NRP2: variants seen among roughly 807,000 people sequenced by gnomAD.
NRP2 encodes neuropilin-2.
A neutral mutation model predicts 110.4 loss-of-function variants in NRP2; 52 were observed. The observed-to-expected ratio is 0.47, with a 90% confidence interval of 0.38 to 0.59. The LOEUF is 0.59. Among genes scored for constraint, NRP2 ranks in the 20% least tolerant of loss-of-function variants. NRP2 has a pLI of 0.00. For synonymous variants in NRP2, 508 were observed against 468.9 expected, an observed-to-expected ratio of 1.08 and a Z score of -1.08; for missense variants, 1,049 against 1,203.0, an observed-to-expected ratio of 0.87 and a Z score of 1.89.
At chr2:205,728,337 A>G (rs1450533675) in intron 7 of NRP2, among the ~76,000 whole-genome samples, 1 of 152,126 alleles carries the variant, frequency 6.6e-6, no homozygotes, top group East Asian at 1.9e-4. Context: ...TCCCCAGTCC[A>G]CTTCTCCCCA....
At chr2:205,782,589 C>A (rs2058187497) in intron 15 of NRP2, among the ~76,000 whole-genome samples, 1 of 152,172 alleles carries the variant, frequency 6.6e-6, no homozygotes, top group Non-Finnish European at 1.5e-5. Context: ...TATACCTTTA[C>A]AAACATGTAT....
At chr2:205,699,887 A>G (rs2056515655) in intron 2 of NRP2, among the ~76,000 whole-genome samples, 2 of 152,162 alleles carry the variant, frequency 1.3e-5, no homozygotes, top group East Asian at 3.9e-4. Flanking sequence ...AAACTGTCAG[A>G]GAGGCTCTGT....
chr2:205,695,493 G>A (rs1042583005), intron 1 of NRP2, among the ~76,000 whole-genome samples: 1 of 152,126 alleles, frequency 6.6e-6, no homozygotes, highest in Non-Finnish European at 1.5e-5. Context: ...AGGAAGGGAT[G>A]GGGAAAGGAG....
chr2:205,795,141 T>A lies in NRP2; in HGVS notation c.*83T>A. On this transcript the variant is annotated 3_prime_UTR_variant, in exon 17 of 17. Coordinates refer to ENST00000357785, the MANE Select transcript of NRP2 (RefSeq NM_003872.3). ...TTACATTTTTTTTTCCTTTGGAAACTGAATGCCATAATCTCGATCAAACCG... is the reference window on the plus strand; with the variant it reads ...TTACATTTTTTTTTCCTTTGGAAACAGAATGCCATAATCTCGATCAAACCG... 7.7e-7 allele frequency: 1 copy of A among 1,301,158 alleles called. No individual in the cohort carries two copies. The highest frequency in any genetic ancestry group is 1.1e-6 in the Non-Finnish European group (1 of 920,510). 80.6% of individuals were successfully genotyped at this position (1,301,158 alleles called of 1,614,324 possible).
chr2:205,766,718 A>C, intron 14 of NRP2, 65 bp from the exon 15 acceptor site: 1 of 1,389,610 alleles, frequency 7.2e-7, no homozygotes, highest in South Asian at 1.2e-5. Context: ...CCAATTATTC[A>C]CTCTATGTTC....
intron 8 of NRP2, 51 bp from the exon 9 acceptor site, chr2:205,743,152 G>A: frequency 6.2e-7 from 1 of 1,602,234 alleles, no homozygotes; most frequent in Non-Finnish European, 8.5e-7. Context: ...GGTGGTCCCT[G>A]GTTAGCAGGT....
At chr2:205,749,944 A>C in intron 11 of NRP2, 103 bp downstream of exon 11, 2 of 897,454 alleles carry the variant, frequency 2.2e-6, no homozygotes, top group Non-Finnish European at 3.7e-6. Flanking sequence ...TCAGAGATCC[A>C]GGGGATCTCA....
intron 1 of NRP2, among the ~76,000 whole-genome samples, chr2:205,684,063 G>A (rs1239804653): frequency 6.6e-6 from 1 of 152,154 alleles, no homozygotes; most frequent in East Asian, 1.9e-4. Flanking sequence ...GCAGGCCCTC[G>A]AAGGTCTCTC....
At position 205,723,924 on chromosome 2, in the gene NRP2, C is replaced by T. The variant is rs760445181; in HGVS notation, c.804C>T (p.His268=). 39 of 1,613,988 alleles carry T rather than the reference C, an allele frequency of 2.4e-5. No homozygotes were observed. The highest frequency in any genetic ancestry group is 3.2e-5 in the Non-Finnish European group (38 of 1,180,008). The stretch of plus-strand genomic sequence containing the variant: ...TCTCTGCGCGTTACTACCTGGTCCA[C>T]CAAGAGCCACTAGAGAGTGAGTTGG... ...DGFSARYYLV[H]QEPLENFQCN... is the part of the protein sequence containing the mutation. The change falls in exon 5 of 17, where the codon CAC becomes CAT. Residue 268 remains histidine, a synonymous_variant. Transcript: ENST00000357785.
chr2:205,707,784 G>T (rs1441837843), intron 2 of NRP2, among the ~76,000 whole-genome samples: 1 of 152,182 alleles, frequency 6.6e-6, no homozygotes, highest in Admixed American at 6.5e-5. Context: ...TCCCCTGGGA[G>T]CCAGAATTAG....
intron 1 of NRP2, among the ~76,000 whole-genome samples, chr2:205,690,749 T>C (rs901306813): frequency 1.3e-5 from 2 of 151,968 alleles, no homozygotes; most frequent in African/African-American, 4.8e-5. Flanking sequence ...CACTGCACTC[T>C]AGCCTGGGTG....
In NRP2 at chr2:205,711,015, G is replaced by T. The variant is rs1163382198; in HGVS notation, c.252-5178G>T. Among the ~76,000 whole-genome samples the T allele has an allele frequency of 2.6e-5, 4 of 152,202 alleles. No individual in the cohort carries two copies. The East Asian group carries it at 7.7e-4, about 29-fold the overall frequency. On this transcript the variant is annotated intron_variant, in intron 2 of 16. Transcript: ENST00000357785. ...TTCCACTCAAAATGTTATATTTCAT[G>T]TTTTTGAGTCACAAGGCAACATTTT...
chr2:205,787,865 T>C (rs1187625706), intron 15 of NRP2, among the ~76,000 whole-genome samples: 1 of 152,008 alleles, frequency 6.6e-6, no homozygotes, highest in Non-Finnish European at 1.5e-5. Flanking sequence ...TTGGAGTGTC[T>C]TGGGGGTGTT....
rs759486207 is a variant in NRP2, at chr2:205,763,880, G to A, written c.2251G>A (p.Gly751Ser). The A allele has an allele frequency of 1.7e-5, 28 of 1,613,988 alleles. No homozygotes were observed. In the East Asian group the frequency reaches 5.8e-4, roughly 33 times the overall value. Residue 751 changes from glycine to serine, a missense_variant, in exon 13 of 17, where the codon GGC becomes AGC. Physicochemically the swap from Gly to Ser is moderately conservative, Grantham distance 56. Transcript: ENST00000357785. This position sits in a 1 kb window ranked among gnomAD's most constrained non-coding sequence, Gnocchi z 4.0. ...KLLWVIREDQ[G>S]GEWKHGRIIL... ...GCTGTGGGTCATCCGTGAGGACCAG[G>A]GCGGCGAGTGGAAGCACGGGCGGAT... is the stretch of plus-strand genomic sequence containing the variant.
chr2:205,732,279 A>G (rs748540855), intron 7 of NRP2, among the ~76,000 whole-genome samples: 1 of 152,226 alleles, frequency 6.6e-6, no homozygotes, highest in Non-Finnish European at 1.5e-5. Flanking sequence ...TGATTTGGCC[A>G]CATCCCTTCA....
chr2:205,752,362 C>T lies in NRP2; in HGVS notation c.1904-473C>T, dbSNP rs149437417. ...CTGAGGTCACTTTCTCCTCACTGGG[C>T]AGAACCTCCCAGGGATTTCAGTCTC... On this transcript the variant is annotated intron_variant, in intron 11 of 16. Coordinates refer to ENST00000357785, the MANE Select transcript of NRP2 (RefSeq NM_003872.3). 44 of 223,400 alleles carry T rather than the reference C, an allele frequency of 2.0e-4. No individual in the cohort carries two copies. The Admixed American group carries it at 2.3e-3, about 11-fold the overall frequency. The allele number at this position is 223,400 out of a possible 1,614,324, so 13.8% of individuals were successfully genotyped here.
chr2:205,756,432 T>C (rs985555524), intron 12 of NRP2: 9 of 152,170 alleles, frequency 5.9e-5, no homozygotes, highest in African/African-American at 1.9e-4. Flanking sequence ...CAAAAACTCA[T>C]AGGGCGGGCA....
At chr2:205,721,813 G>T (rs1453077858) in intron 3 of NRP2, among the ~76,000 whole-genome samples, 1 of 152,114 alleles carries the variant, frequency 6.6e-6, no homozygotes, top group African/African-American at 2.4e-5. Context: ...CATCCCCAAC[G>T]GCCTGCTGTG....
chr2:205,696,123 A>G (rs190223771), intron 1 of NRP2, among the ~76,000 whole-genome samples: 264 of 152,320 alleles, frequency 1.7e-3, no homozygotes, highest in African/African-American at 6.0e-3. Context: ...CGAAAAGGCT[A>G]CTTGTGTGGA....
Sources: gnomAD v4.1 joint callset for allele counts (sites outside exome capture counted in the v4.1 genomes callset) on GRCh38, gnomAD v4.1.1 for gene constraint, Gnocchi (gnomAD v3.1) non-coding constraint, MANE v1.5 for transcripts, NCBI Gene and HGNC (gene_info 2026-07-23, HGNC 2026-07-21) for gene names.